Variants in ANXA8 observed in about 807,000 individuals in gnomAD.
The protein encoded by ANXA8 is VAC-beta.
A neutral mutation model predicts 26.8 loss-of-function variants in ANXA8; 9 were observed. That is an observed-to-expected ratio of 0.34 (90% CI 0.20 to 0.59). ANXA8 has a LOEUF of 0.59. Ranked by LOEUF, ANXA8 falls within the 20% of genes least tolerant of loss-of-function variation. The pLI, the probability that ANXA8 is intolerant of heterozygous loss-of-function variation, is 0.84. For synonymous variants in ANXA8, 39 were observed against 94.8 expected (o/e 0.41, Z 3.42); for missense variants, 83 against 238.5 (o/e 0.35, Z 4.29).
chr10:47,956,811 A>T, the ANXA8 span, among the ~76,000 whole-genome samples: 1 of 149,814 alleles, frequency 6.7e-6, no homozygotes, highest in Non-Finnish European at 1.5e-5. Context: ...CACCTCCTGC[A>T]GTTGGTCATT....
chr10:47,901,073 A>G, the ANXA8 span, among the ~76,000 whole-genome samples: 1 of 143,790 alleles, frequency 7.0e-6, no homozygotes, highest in South Asian at 2.3e-4. Context: ...GGGAAAAAAA[A>G]AAGATGTAAG....
chr10:47,759,239 G>A, the ANXA8 span, among the ~76,000 whole-genome samples: 4 of 150,548 alleles, frequency 2.7e-5, no homozygotes, highest in East Asian at 4.0e-4. Context: ...CTGCATTCAC[G>A]CTGAGGCCTG....
chr10:47,543,768 C>T, the ANXA8 span: 1 of 222,372 alleles, frequency 4.5e-6, no homozygotes, highest in Non-Finnish European at 8.7e-6. Flanking sequence ...AAGCACATCA[C>T]TTAGGAACTA....
chr10:47,544,217 C>T, the ANXA8 span, among the ~76,000 whole-genome samples: 1 of 151,108 alleles, frequency 6.6e-6, no homozygotes, highest in Non-Finnish European at 1.5e-5. Flanking sequence ...TAATTTACTC[C>T]CAAAGGCACA....
chr10:47,576,685 A>C, the ANXA8 span, among the ~76,000 whole-genome samples: 1 of 150,550 alleles, frequency 6.6e-6, no homozygotes, highest in Non-Finnish European at 1.5e-5. Context: ...AAGCACAGCT[A>C]ATTTCTGTAT....
At chr10:47,939,349 C>T in the ANXA8 span, among the ~76,000 whole-genome samples, 10 of 140,560 alleles carry the variant, frequency 7.1e-5, no homozygotes, top group Admixed American at 2.1e-4. Flanking sequence ...TCTTGCCATG[C>T]GATTTGGGTC....
the ANXA8 span, among the ~76,000 whole-genome samples, chr10:47,551,355 T>C: frequency 6.6e-6 from 1 of 150,966 alleles, no homozygotes; most frequent in African/African-American, 2.4e-5. Context: ...ACGTTTAAAG[T>C]ACACTGCTAA....
the ANXA8 span, among the ~76,000 whole-genome samples, chr10:47,578,835 G>GT: frequency 5.4e-3 from 817 of 151,776 alleles, 2 homozygotes; most frequent in Non-Finnish European, 8.1e-3. Context: ...TGGTGTGTGG[G>GT]TTTTTCTGTT....
At chr10:47,702,435 G>A in the ANXA8 span, among the ~76,000 whole-genome samples, 11 of 151,054 alleles carry the variant, frequency 7.3e-5, no homozygotes, top group African/African-American at 2.7e-4. Context: ...CTGCCTCCTG[G>A]GTTCTAGCAA....
At chr10:47,701,749 G>A in the ANXA8 span, among the ~76,000 whole-genome samples, 2 of 151,780 alleles carry the variant, frequency 1.3e-5, no homozygotes, top group South Asian at 2.1e-4. Flanking sequence ...TAGGAGAGGG[G>A]TGGAAGAAAG....
the ANXA8 span, among the ~76,000 whole-genome samples, chr10:47,953,375 C>T: frequency 4.3e-3 from 641 of 150,300 alleles, 8 homozygotes; most frequent in Non-Finnish European, 7.2e-3. Context: ...AATGTGACGA[C>T]CCCTCACACC....
At chr10:47,565,548 T>C in the ANXA8 span, 5 of 332,576 alleles carry the variant, frequency 1.5e-5, 1 homozygote, top group South Asian at 3.7e-4. Context: ...GTCGGGGCCA[T>C]GCTGGGCCTG....
At chr10:47,973,803 C>T in the ANXA8 span, among the ~76,000 whole-genome samples, 2 of 151,128 alleles carry the variant, frequency 1.3e-5, 1 homozygote, top group Non-Finnish European at 3.0e-5. Flanking sequence ...TTTAACAATA[C>T]AAAAAGCAGA....
the ANXA8 span, among the ~76,000 whole-genome samples, chr10:47,699,087 C>T: frequency 1.3e-5 from 2 of 151,670 alleles, no homozygotes; most frequent in South Asian, 4.1e-4. Flanking sequence ...TGGCTCACGC[C>T]TGTAATCCCA....
the ANXA8 span, among the ~76,000 whole-genome samples, chr10:47,514,352 G>A: frequency 2.7e-5 from 4 of 149,164 alleles, no homozygotes; most frequent in Admixed American, 6.6e-5. Context: ...TATTCTAAGT[G>A]AAATAACTCA....
the ANXA8 span, among the ~76,000 whole-genome samples, chr10:47,676,011 G>A: frequency 1.3e-5 from 2 of 151,466 alleles, no homozygotes; most frequent in East Asian, 1.9e-4. Context: ...AAAGGAAAGG[G>A]AAGGGAGGGG....
At chr10:47,618,943 C>G in the ANXA8 span, among the ~76,000 whole-genome samples, 4 of 115,190 alleles carry the variant, frequency 3.5e-5, no homozygotes, top group African/African-American at 1.3e-4. Context: ...AGCCCTCTTG[C>G]TTTAGTAGCT....
the ANXA8 span, among the ~76,000 whole-genome samples, chr10:47,749,962 C>T: frequency 3.3e-5 from 5 of 151,798 alleles, no homozygotes; most frequent in African/African-American, 9.7e-5. Flanking sequence ...TAGAGAAAGC[C>T]ATTTCACATA....
At chr10:47,944,488 T>C in the ANXA8 span, among the ~76,000 whole-genome samples, 2 of 150,110 alleles carry the variant, frequency 1.3e-5, no homozygotes, top group East Asian at 4.2e-4. Context: ...CCTGATATGG[T>C]TTGGCTGTGT....
Sources: allele counts gnomAD v4.1 joint callset (sites outside exome capture counted in the v4.1 genomes callset), GRCh38; gene constraint gnomAD v4.1.1; transcripts MANE v1.5; gene names NCBI Gene and HGNC (gene_info 2026-07-23, HGNC 2026-07-21).